CSMD1: variants seen among roughly 807,000 people sequenced by gnomAD.
The protein encoded by CSMD1 is CUB and Sushi multiple domains 1.
A neutral mutation model predicts 417.5 loss-of-function variants in CSMD1; 213 were observed. That is an observed-to-expected ratio of 0.51 (90% confidence interval 0.46 to 0.57). CSMD1 has a LOEUF of 0.57. Among genes scored for constraint, CSMD1 ranks in the 20% least tolerant of loss-of-function variants. The pLI is 0.00. For synonymous variants in CSMD1, 2,862 were observed against 1,736.8 expected (o/e 1.65, Z -16.11); for missense variants, 6,923 against 4,529.7 (o/e 1.53, Z -15.17).
chr8:3,037,364 C>G (rs1810759197), intron 50 of CSMD1, among the ~76,000 whole-genome samples: 1 of 131,248 alleles, frequency 7.6e-6, no homozygotes, highest in Non-Finnish European at 1.7e-5. Context: ...CGCCACCAAG[C>G]CCAGCTAATT....
intron 21 of CSMD1, among the ~76,000 whole-genome samples, chr8:3,349,032 A>T (rs77415211): frequency 0.01 from 1,569 of 152,324 alleles, 26 homozygotes; most frequent in Middle Eastern, 0.037. Flanking sequence ...AGAGCTCCAC[A>T]GGAGTCTGCG....
At chr8:4,614,208 C>T (rs1312403076) in intron 2 of CSMD1, among the ~76,000 whole-genome samples, 1 of 152,118 alleles carries the variant, frequency 6.6e-6, no homozygotes, top group Non-Finnish European at 1.5e-5. Context: ...GCATTGGGGG[C>T]CAGCAAAGCA....
At chr8:4,628,409 C>CATATATATATACATATATATACACAT (rs58486153) in intron 2 of CSMD1, among the ~76,000 whole-genome samples, 2 of 140,630 alleles carry the variant, frequency 1.4e-5, no homozygotes, top group Admixed American at 1.6e-4. Flanking sequence ...TATATATACA[C>CATATATATATACATATATATACACAT]ATATATATAC....
intron 3 of CSMD1, among the ~76,000 whole-genome samples, chr8:4,179,685 A>C (rs1456967956): frequency 6.6e-6 from 1 of 152,172 alleles, no homozygotes; most frequent in African/African-American, 2.4e-5. Context: ...CTCATCTGAC[A>C]AAGGGCTAAT....
chr8:3,948,513 A>G (rs912998509), intron 5 of CSMD1, among the ~76,000 whole-genome samples: 4 of 152,098 alleles, frequency 2.6e-5, no homozygotes, highest in African/African-American at 9.7e-5. Context: ...TTGTCTTCTT[A>G]TATTTTCTTT....
At chr8:3,959,147 G>C (rs1162558927) in intron 5 of CSMD1, among the ~76,000 whole-genome samples, 1 of 152,166 alleles carries the variant, frequency 6.6e-6, no homozygotes, top group Non-Finnish European at 1.5e-5. Context: ...ATATTTAAAA[G>C]CATAATTTGA....
intron 1 of CSMD1, among the ~76,000 whole-genome samples, chr8:4,695,236 G>T (rs1161232445): frequency 6.6e-6 from 1 of 152,062 alleles, no homozygotes; most frequent in Non-Finnish European, 1.5e-5. Flanking sequence ...TCTTCTGAAG[G>T]TTTCCCTGAG....
At chr8:4,129,375 C>A (rs1802958948) in intron 3 of CSMD1, among the ~76,000 whole-genome samples, 1 of 152,034 alleles carries the variant, frequency 6.6e-6, no homozygotes, top group Admixed American at 6.6e-5. Context: ...TTTCCTTGAC[C>A]ACCTCCACCC....
At chr8:4,151,617 T>C (rs150058580) in intron 3 of CSMD1, among the ~76,000 whole-genome samples, 5 of 152,286 alleles carry the variant, frequency 3.3e-5, no homozygotes, top group Admixed American at 1.3e-4. Context: ...TTGTGACATG[T>C]AGTTTCACTT....
chr8:3,995,528 A>G (rs1177320017), intron 5 of CSMD1, among the ~76,000 whole-genome samples: 1 of 152,146 alleles, frequency 6.6e-6, no homozygotes, highest in Admixed American at 6.6e-5. Flanking sequence ...TCAGACCTGG[A>G]CTACACTGAC....
chr8:3,844,744 G>C (rs369357959), intron 5 of CSMD1, among the ~76,000 whole-genome samples: 1 of 152,152 alleles, frequency 6.6e-6, no homozygotes, highest in Non-Finnish European at 1.5e-5. Context: ...CCTTGACAAT[G>C]AGGTCATGTG....
chr8:4,955,970 G>T (rs925213240), intron 1 of CSMD1, among the ~76,000 whole-genome samples: 1 of 152,186 alleles, frequency 6.6e-6, no homozygotes, highest in Non-Finnish European at 1.5e-5. Context: ...GCTGTGCTGC[G>T]TTCTGTGATT....
At chr8:4,277,777 T>C (rs995420569) in intron 3 of CSMD1, among the ~76,000 whole-genome samples, 1 of 152,212 alleles carries the variant, frequency 6.6e-6, no homozygotes, top group Non-Finnish European at 1.5e-5. Flanking sequence ...AGACGGAGTC[T>C]CACTCTGTTG....
chr8:3,893,345 A>ATATATATATATATATATATATATATG (rs1554476833), intron 5 of CSMD1, among the ~76,000 whole-genome samples: 1 of 127,318 alleles, frequency 7.9e-6, no homozygotes, highest in African/African-American at 2.7e-5. Flanking sequence ...AATTTTATAT[A>ATATATATATATATATATATATATATG]TATATATATA....
At chr8:4,317,460 C>G (rs573431596) in intron 3 of CSMD1, among the ~76,000 whole-genome samples, 1 of 152,144 alleles carries the variant, frequency 6.6e-6, no homozygotes, top group African/African-American at 2.4e-5. Context: ...GATGTCTATA[C>G]GCTGCCAGTG....
chr8:3,888,644 C>T (rs1186458142), intron 5 of CSMD1, among the ~76,000 whole-genome samples: 1 of 152,178 alleles, frequency 6.6e-6, no homozygotes, highest in South Asian at 2.1e-4. Context: ...AGTGCTCTAT[C>T]ATGTTGAGAT....
At chr8:3,462,485 A>T (rs1342418082) in intron 12 of CSMD1, among the ~76,000 whole-genome samples, 3 of 152,122 alleles carry the variant, frequency 2.0e-5, no homozygotes, top group Non-Finnish European at 1.5e-5. Context: ...TGTGAACCCT[A>T]TTGTGAACTG....
chr8:4,134,548 G>A (rs1000094100), intron 3 of CSMD1, among the ~76,000 whole-genome samples: 1 of 152,202 alleles, frequency 6.6e-6, no homozygotes, highest in Admixed American at 6.5e-5. Context: ...AAGCCACCTA[G>A]TCTGTGGCAC....
chr8:3,401,691 T>C (rs1327839682), intron 15 of CSMD1, among the ~76,000 whole-genome samples: 2 of 152,116 alleles, frequency 1.3e-5, no homozygotes, highest in Non-Finnish European at 2.9e-5. Context: ...CTTCAGTTGC[T>C]ATGGCAGGTG....
Sources: allele counts gnomAD v4.1 joint callset (sites outside exome capture counted in the v4.1 genomes callset), GRCh38; gene constraint gnomAD v4.1.1; transcripts MANE v1.5; gene names NCBI Gene and HGNC (gene_info 2026-07-23, HGNC 2026-07-21).